The following ZNF804A variants were observed in gnomAD, a reference collection of about 807,000 sequenced individuals.
ZNF804A encodes zinc finger protein 804A.
In ZNF804A, 2 loss-of-function variants were observed where a neutral mutation model predicts 16.5. That is an observed-to-expected ratio of 0.12 (90% CI 0.05 to 0.38). The LOEUF is 0.38. ZNF804A is among the 10% of genes least tolerant of loss of function. The pLI is 0.99. For missense variants in ZNF804A, 1,473 were observed against 1,390.7 expected, an observed-to-expected ratio of 1.06 and a Z score of -0.94; for synonymous variants, 534 against 489.6, an observed-to-expected ratio of 1.09 and a Z score of -1.20.
rs78277614 is a variant in ZNF804A, at chr2:184,867,856, T to C, written c.255+1344T>C. Among the ~76,000 whole-genome samples the C allele has an allele frequency of 5.3e-3, 813 of 152,244 alleles. 7 individuals carry two copies. The highest frequency in any genetic ancestry group is 0.019 in the African/African-American group (773 of 41,574). ...AGTCATTCCTCTGATTTTTCCTATG[T>C]ATCTAAAAGCCTGAGTATATTACTA... On this transcript the variant is annotated intron_variant, in intron 2 of 3. Coordinates refer to ENST00000302277, the MANE Select transcript of ZNF804A (RefSeq NM_194250.2).
At chr2:184,891,734 A>G (rs1258591036) in intron 2 of ZNF804A, among the ~76,000 whole-genome samples, 2 of 152,194 alleles carry the variant, frequency 1.3e-5, no homozygotes, top group African/African-American at 2.4e-5. Flanking sequence ...AGTCTTGTCC[A>G]TATTCTTTAT....
intron 1 of ZNF804A, among the ~76,000 whole-genome samples, chr2:184,842,528 A>G (rs1179441281): frequency 6.6e-6 from 1 of 151,994 alleles, no homozygotes; most frequent in Non-Finnish European, 1.5e-5. Context: ...TTTTTTAAAA[A>G]AAAAGGAAAT....
chr2:184,725,061 T>TGAATATTAGAATATTATTA (rs1295389648), intron 1 of ZNF804A, among the ~76,000 whole-genome samples: 1 of 151,736 alleles, frequency 6.6e-6, no homozygotes, highest in Non-Finnish European at 1.5e-5. Flanking sequence ...CTTTCACTAT[T>TGAATATTAGAATATTATTA]GAATATTAGA....
intron 1 of ZNF804A, among the ~76,000 whole-genome samples, chr2:184,615,235 A>ATGAAC (rs1691300458): frequency 6.6e-6 from 1 of 152,224 alleles, no homozygotes; most frequent in South Asian, 2.1e-4. Context: ...TGCCCTTTGC[A>ATGAAC]GGGATATGGA....
chr2:184,648,847 T>C (rs1691928603), intron 1 of ZNF804A, among the ~76,000 whole-genome samples: 1 of 152,114 alleles, frequency 6.6e-6, no homozygotes, highest in African/African-American at 2.4e-5. Context: ...GCAGGAATTT[T>C]AGCACCCAGT....
chr2:184,814,039 G>T (rs1378493962), intron 1 of ZNF804A, among the ~76,000 whole-genome samples: 2 of 93,052 alleles, frequency 2.1e-5, no homozygotes, highest in African/African-American at 4.3e-5. Flanking sequence ...CTACTACTCT[G>T]TTCCAAGCAC....
intron 1 of ZNF804A, among the ~76,000 whole-genome samples, chr2:184,827,379 A>G (rs1695182576): frequency 6.7e-6 from 1 of 148,768 alleles, no homozygotes; most frequent in African/African-American, 2.4e-5. Context: ...TTTATAAATA[A>G]TAACACTCAT....
At chr2:184,915,783 T>C (rs1329145108) in intron 2 of ZNF804A, among the ~76,000 whole-genome samples, 1 of 152,192 alleles carries the variant, frequency 6.6e-6, no homozygotes, top group African/African-American at 2.4e-5. Context: ...TCAGATCTGA[T>C]ATGTCATTAA....
At chr2:184,623,246 G>A (rs1217005912) in intron 1 of ZNF804A, among the ~76,000 whole-genome samples, 1 of 151,958 alleles carries the variant, frequency 6.6e-6, no homozygotes, top group Non-Finnish European at 1.5e-5. Flanking sequence ...ATACTGGGAA[G>A]TAATGGGATA....
chr2:184,771,169 C>A (rs905661405), intron 1 of ZNF804A, among the ~76,000 whole-genome samples: 1 of 152,006 alleles, frequency 6.6e-6, no homozygotes, highest in East Asian at 1.9e-4. Flanking sequence ...TATTTACATT[C>A]TTTGATTCTA....
At position 184,936,367 on chromosome 2, in the gene ZNF804A, A is replaced by G; in HGVS notation, c.971A>G (p.Asn324Ser). 5.0e-6 allele frequency: 8 copies of G among 1,614,022 alleles called. No individual in the cohort carries two copies. The highest frequency in any genetic ancestry group is 6.8e-6 in the Non-Finnish European group (8 of 1,179,962). The change falls in exon 4 of 4, where the codon AAT becomes AGT. Residue 324 changes from asparagine to serine, a missense_variant. Transcript: ENST00000302277. The part of the protein sequence containing the change: ...FQLQLSSDAD[N>S]CQNSVPLADQ... ...CTTCAGTTATCTTCTGATGCAGATA[A>G]TTGTCAAAATTCAGTCCCATTAGCA...
At chr2:184,854,951 TA>T (rs1017752244) in intron 1 of ZNF804A, among the ~76,000 whole-genome samples, 14 of 151,950 alleles carry the variant, frequency 9.2e-5, no homozygotes, top group East Asian at 3.9e-4. Flanking sequence ...GACATTAATT[TA>T]AAAAAAATGT....
intron 1 of ZNF804A, among the ~76,000 whole-genome samples, chr2:184,699,129 T>C (rs1362272634): frequency 6.6e-6 from 1 of 152,080 alleles, no homozygotes; most frequent in Non-Finnish European, 1.5e-5. Flanking sequence ...AACATCTGTG[T>C]CCACTACACA....
intron 1 of ZNF804A, among the ~76,000 whole-genome samples, chr2:184,616,206 C>T (rs370549279): frequency 8.5e-5 from 13 of 152,166 alleles, no homozygotes; most frequent in African/African-American, 2.9e-4. Context: ...CTTTGCTTCC[C>T]ACCATTCCCC....
chr2:184,698,883 T>G (rs1054982136), intron 1 of ZNF804A, among the ~76,000 whole-genome samples: 2 of 152,088 alleles, frequency 1.3e-5, no homozygotes, highest in African/African-American at 4.8e-5. Context: ...AAATAAGCAA[T>G]TCAGCTGAAT....
chr2:184,920,975 G>T (rs1041010764), intron 2 of ZNF804A, among the ~76,000 whole-genome samples: 7 of 152,138 alleles, frequency 4.6e-5, no homozygotes, highest in African/African-American at 1.7e-4. Context: ...TAAATTTGTG[G>T]TAATTTGTTA....
intron 1 of ZNF804A, among the ~76,000 whole-genome samples, chr2:184,689,416 G>T (rs1460550565): frequency 1.3e-5 from 2 of 152,028 alleles, no homozygotes; most frequent in Non-Finnish European, 2.9e-5. Context: ...CATTGGAAAA[G>T]CATTATCTCT....
chr2:184,877,271 C>T (rs1448686794), intron 2 of ZNF804A, among the ~76,000 whole-genome samples: 1 of 151,876 alleles, frequency 6.6e-6, no homozygotes, highest in Non-Finnish European at 1.5e-5. Flanking sequence ...TTATTATATC[C>T]TTTATTCTGT....
intron 1 of ZNF804A, among the ~76,000 whole-genome samples, chr2:184,837,484 T>C (rs892798220): frequency 2.0e-5 from 3 of 152,122 alleles, no homozygotes; most frequent in Non-Finnish European, 4.4e-5. Flanking sequence ...TGTTTATTTG[T>C]TTATAATACC....
Sources: gnomAD v4.1 joint callset for allele counts (sites outside exome capture counted in the v4.1 genomes callset) on GRCh38, gnomAD v4.1.1 for gene constraint, MANE v1.5 for transcripts, NCBI Gene and HGNC (gene_info 2026-07-23, HGNC 2026-07-21) for gene names.